ZFAND3: variants seen among roughly 807,000 people sequenced by gnomAD.
ZFAND3 encodes the protein zinc finger AN1-type containing 3, also known as AN1-type zinc finger protein 3.
Under a neutral mutation model 29.6 loss-of-function variants are expected in ZFAND3, and 10 were observed. That is an observed-to-expected ratio of 0.34 (90% confidence interval 0.21 to 0.57). The LOEUF (loss-of-function observed/expected upper bound fraction) is 0.57. Among genes scored for constraint, ZFAND3 ranks in the 20% least tolerant of loss-of-function variants. The probability of loss-of-function intolerance (pLI) is 0.86; values close to 1 mark genes in which losing one functional copy is unlikely to be tolerated. For synonymous variants in ZFAND3, 128 were observed against 112.6 expected, an observed-to-expected ratio of 1.14 and a Z score of -0.87; for missense variants, 230 against 304.5, an observed-to-expected ratio of 0.76 and a Z score of 1.82.
At chr6:37,904,672 T>A (rs1052670045) in intron 1 of ZFAND3, among the ~76,000 whole-genome samples, 2 of 152,182 alleles carry the variant, frequency 1.3e-5, no homozygotes, top group African/African-American at 4.8e-5. Context: ...TGTTCACTTC[T>A]AAAAGCAAAA....
chr6:38,119,093 C>T (rs1380641933), intron 5 of ZFAND3, among the ~76,000 whole-genome samples: 1 of 152,204 alleles, frequency 6.6e-6, no homozygotes, highest in Non-Finnish European at 1.5e-5. Flanking sequence ...GTTTGACCCA[C>T]TGAGAGCATT....
intron 2 of ZFAND3, among the ~76,000 whole-genome samples, chr6:38,026,295 G>A (rs899562125): frequency 1.3e-4 from 20 of 151,976 alleles, no homozygotes; most frequent in African/African-American, 4.1e-4. Flanking sequence ...TTCTTTTGCC[G>A]TCTGTTTTAG....
At chr6:37,854,776 C>G (rs866450484) in intron 1 of ZFAND3, among the ~76,000 whole-genome samples, 26 of 80,542 alleles carry the variant, frequency 3.2e-4, no homozygotes, top group Non-Finnish European at 5.2e-4. Context: ...CCCCCCCCCC[C>G]TTTTTTTTTA....
intron 1 of ZFAND3, among the ~76,000 whole-genome samples, chr6:37,926,698 G>A (rs1198639394): frequency 6.6e-6 from 1 of 152,138 alleles, no homozygotes. Context: ...TTTTAGAAAC[G>A]TGGTACCCAT....
Position 37,995,514 on chromosome 6 carries a change from A to G in ZFAND3, c.112+65515A>G, listed in dbSNP as rs188774694. Among the ~76,000 whole-genome samples the G allele has an allele frequency of 7.2e-5, 11 of 152,274 alleles. No individual in the cohort carries two copies. In the East Asian group the frequency reaches 1.7e-3, roughly 24 times the overall value. On this transcript the variant is annotated intron_variant, in intron 2 of 5. Transcript: ENST00000287218. ...GAAATTGCATTATTAACATGCAGTG[A>G]TCATTATTTCTTCACCATGTTGTTG...
intron 1 of ZFAND3, among the ~76,000 whole-genome samples, chr6:37,855,610 G>A (rs1764368003): frequency 6.6e-6 from 1 of 151,998 alleles, no homozygotes; most frequent in Non-Finnish European, 1.5e-5. Context: ...TTCTTACCAG[G>A]GACACTTGAA....
intron 2 of ZFAND3, among the ~76,000 whole-genome samples, chr6:37,983,128 G>A (rs1407435979): frequency 6.6e-6 from 1 of 151,982 alleles, no homozygotes; most frequent in African/African-American, 2.4e-5. Context: ...AAATTCAGAA[G>A]TTTTATAATA....
intron 2 of ZFAND3, among the ~76,000 whole-genome samples, chr6:38,036,902 C>T (rs1202439380): frequency 2.6e-5 from 4 of 152,114 alleles, no homozygotes; most frequent in Non-Finnish European, 5.9e-5. Flanking sequence ...GCATGAGCCA[C>T]CATAGCCAGT....
chr6:38,019,967 G>A (rs905124881), intron 2 of ZFAND3, among the ~76,000 whole-genome samples: 5 of 152,214 alleles, frequency 3.3e-5, no homozygotes, highest in Admixed American at 3.3e-4. Flanking sequence ...TTATCTGCCC[G>A]CCTTCGTCTT....
intron 1 of ZFAND3, among the ~76,000 whole-genome samples, chr6:37,861,051 G>A (rs1423961687): frequency 1.3e-5 from 2 of 152,106 alleles, no homozygotes; most frequent in African/African-American, 4.8e-5. Flanking sequence ...TTGGCAAGGA[G>A]TTCAAGACCA....
chr6:37,842,112 A>C (rs1396205898), intron 1 of ZFAND3, among the ~76,000 whole-genome samples: 1 of 152,120 alleles, frequency 6.6e-6, no homozygotes, highest in African/African-American at 2.4e-5. Flanking sequence ...GCGATGCCTT[A>C]ATAACTTAGT....
chr6:37,884,256 G>A lies in ZFAND3; in HGVS notation c.72-45703G>A, dbSNP rs1438542516. Reference sequence around the variant, plus strand: ...CGCCTGTAATCCCAGCACTTTGGGCGGCTGAGGTGGGTGGATCACCTGAGG... The same window carrying A: ...CGCCTGTAATCCCAGCACTTTGGGCAGCTGAGGTGGGTGGATCACCTGAGG... On this transcript the variant is annotated intron_variant, in intron 1 of 5. Transcript: ENST00000287218. Among the ~76,000 whole-genome samples the A allele has an allele frequency of 3.5e-5, 5 of 144,816 alleles. 1 individual carries two copies. Among genetic ancestry groups the A allele is most frequent in the African/African-American group, 1.4e-4 (5 of 35,790 alleles).
At chr6:37,966,534 C>T (rs1373228331) in intron 2 of ZFAND3, among the ~76,000 whole-genome samples, 6 of 152,162 alleles carry the variant, frequency 3.9e-5, no homozygotes, top group Admixed American at 3.9e-4. Context: ...TGATTTTGAA[C>T]CTAGGTTTGC....
At chr6:37,868,194 A>AC (rs1169297306) in intron 1 of ZFAND3, among the ~76,000 whole-genome samples, 1 of 152,232 alleles carries the variant, frequency 6.6e-6, no homozygotes, top group African/African-American at 2.4e-5. Flanking sequence ...AAATGATGAT[A>AC]TGGTTTTTCT....
At chr6:38,007,752 G>T (rs952750950) in intron 2 of ZFAND3, among the ~76,000 whole-genome samples, 1 of 152,110 alleles carries the variant, frequency 6.6e-6, no homozygotes, top group Non-Finnish European at 1.5e-5. Flanking sequence ...ATTAATTTAG[G>T]CTCAATAAAC....
intron 2 of ZFAND3, among the ~76,000 whole-genome samples, chr6:38,037,436 C>G (rs1010702186): frequency 6.6e-6 from 1 of 152,122 alleles, no homozygotes; most frequent in African/African-American, 2.4e-5. Context: ...ATTTAACAAG[C>G]ATTATAATCA....
intron 5 of ZFAND3, among the ~76,000 whole-genome samples, chr6:38,120,165 G>A (rs979559836): frequency 2.0e-5 from 3 of 152,050 alleles, no homozygotes; most frequent in Non-Finnish European, 2.9e-5. Context: ...AAATTGATCA[G>A]CTCATTGTCA....
At chr6:37,940,874 CAG>C (rs1214847780) in intron 2 of ZFAND3, among the ~76,000 whole-genome samples, 3 of 151,968 alleles carry the variant, frequency 2.0e-5, no homozygotes, top group African/African-American at 7.3e-5. Context: ...TGCTGAAAGA[CAG>C]ATATTTTAGT....
intron 1 of ZFAND3, among the ~76,000 whole-genome samples, chr6:37,867,517 CTG>C (rs1193149089): frequency 6.6e-6 from 1 of 152,162 alleles, no homozygotes; most frequent in African/African-American, 2.4e-5. Context: ...CCTTTCCTCT[CTG>C]TGGCACCCCT....
Sources: gnomAD v4.1 joint callset for allele counts (sites outside exome capture counted in the v4.1 genomes callset) on GRCh38, gnomAD v4.1.1 for gene constraint, MANE v1.5 for transcripts, NCBI Gene and HGNC (gene_info 2026-07-23, HGNC 2026-07-21) for gene names.